The following THSD4 variants were observed in gnomAD, a reference collection of about 807,000 sequenced individuals.
THSD4 encodes the protein thrombospondin type-1 domain-containing protein 4.
In THSD4, 69 loss-of-function variants were observed where a neutral mutation model predicts 119.0. The ratio of observed to expected loss-of-function variants is 0.58; its 90% CI spans 0.48 to 0.71. The LOEUF is 0.71. THSD4 is among the 30% of genes least tolerant of loss of function. The pLI is 0.00. For missense variants in THSD4, 1,393 were observed against 1,391.1 expected (o/e 1.00, Z -0.02); for synonymous variants, 524 against 540.4 (o/e 0.97, Z 0.42).
intron 7 of THSD4, among the ~76,000 whole-genome samples, chr15:71,460,022 C>T (rs759576049): frequency 1.6e-4 from 25 of 152,210 alleles, no homozygotes; most frequent in Non-Finnish European, 3.7e-4. Flanking sequence ...TTTTCTACTT[C>T]TGGCCACACT....
chr15:71,685,290 GTTTTCATCTCAGGACCC>G (rs2051884250), intron 8 of THSD4, among the ~76,000 whole-genome samples: 1 of 151,544 alleles, frequency 6.6e-6, no homozygotes. Flanking sequence ...GTTCTTAAAT[GTTTTCATCTCAGGACCC>G]TTTTCTCCTC....
At chr15:71,133,512 G>A (rs189140716) in intron 1 of THSD4, among the ~76,000 whole-genome samples, 1 of 152,182 alleles carries the variant, frequency 6.6e-6, no homozygotes, top group Non-Finnish European at 1.5e-5. Context: ...GGAAAGACAA[G>A]CACAAATCAT....
intron 5 of THSD4, among the ~76,000 whole-genome samples, chr15:71,254,983 C>T (rs1406505840): frequency 6.6e-6 from 1 of 152,288 alleles, no homozygotes; most frequent in African/African-American, 2.4e-5. Context: ...GCATTTGTAC[C>T]AGCAGCCTCC....
intron 7 of THSD4, among the ~76,000 whole-genome samples, chr15:71,500,086 T>A (rs1249016141): frequency 2.6e-5 from 4 of 152,228 alleles, no homozygotes; most frequent in Admixed American, 2.6e-4. Flanking sequence ...TGCACCATTT[T>A]ACATTCCCAC....
In THSD4 at chr15:71,341,063, T is replaced by C; in HGVS notation, c.1016-70624T>C. On this transcript the variant is annotated intron_variant, in intron 6 of 17. Coordinates refer to ENST00000261862, the MANE Select transcript of THSD4 (RefSeq NM_024817.3). The stretch of plus-strand genomic sequence containing the variant: ...CTCTCTCTCCCATTTCTTTTTTCTT[T>C]TGTTGCCTTGCCTTTTCTTTTCTAT... The C allele has an allele frequency of 3.3e-6, 3 of 903,950 alleles. No individual in the cohort carries two copies. In the East Asian group the frequency reaches 7.3e-5, roughly 22 times the overall value. The allele number at this position is 903,950 out of a possible 1,614,324, so 56.0% of individuals were successfully genotyped here. A position where few individuals can be genotyped will look rare whatever the true frequency, so the allele number is the denominator to read the frequency against.
intron 8 of THSD4, among the ~76,000 whole-genome samples, chr15:71,689,834 C>A (rs1437470438): frequency 1.3e-5 from 2 of 152,172 alleles, no homozygotes; most frequent in African/African-American, 2.4e-5. Flanking sequence ...GGTTCTGAGT[C>A]CAGAATCCTT....
At chr15:71,652,957 T>C (rs1335486935) in intron 7 of THSD4, among the ~76,000 whole-genome samples, 1 of 152,218 alleles carries the variant, frequency 6.6e-6, no homozygotes, top group East Asian at 1.9e-4. Context: ...TTTCCCTCCC[T>C]TTAAACATGG....
At chr15:71,608,179 C>T (rs935102569) in intron 7 of THSD4, among the ~76,000 whole-genome samples, 6 of 146,638 alleles carry the variant, frequency 4.1e-5, no homozygotes, top group South Asian at 2.2e-4. Flanking sequence ...GCTGAGATCG[C>T]GCCACTATAC....
At chr15:71,464,534 G>A (rs2047473737) in intron 7 of THSD4, among the ~76,000 whole-genome samples, 1 of 152,172 alleles carries the variant, frequency 6.6e-6, no homozygotes, top group Non-Finnish European at 1.5e-5. Flanking sequence ...TTGGTTTGCA[G>A]CTCCTTTAAG....
intron 6 of THSD4, among the ~76,000 whole-genome samples, chr15:71,392,490 T>G (rs2046390915): frequency 6.6e-6 from 1 of 152,236 alleles, no homozygotes; most frequent in Non-Finnish European, 1.5e-5. Flanking sequence ...GTAAGGACTA[T>G]GCAGAGATCA....
chr15:71,458,600 G>A (rs2047371884), intron 7 of THSD4, among the ~76,000 whole-genome samples: 1 of 152,148 alleles, frequency 6.6e-6, no homozygotes, highest in Admixed American at 6.5e-5. Context: ...GCCTGCTTCT[G>A]GGGGTTGTTA....
chr15:71,564,725 T>G (rs187850320), intron 7 of THSD4, among the ~76,000 whole-genome samples: 2,076 of 125,120 alleles, frequency 0.017, 109 homozygotes, highest in African/African-American at 0.06. Flanking sequence ...ATATTGTATA[T>G]TATAACATAT....
chr15:71,375,299 C>T (rs61404252), intron 6 of THSD4, among the ~76,000 whole-genome samples: 29,616 of 152,054 alleles, frequency 0.19, 2,926 homozygotes, highest in African/African-American at 0.25. Context: ...TGTTTTCTCC[C>T]TCTTCCTGAC....
chr15:71,691,877 G>A (rs780644926), intron 8 of THSD4, among the ~76,000 whole-genome samples: 10 of 152,210 alleles, frequency 6.6e-5, no homozygotes, highest in African/African-American at 9.6e-5. Flanking sequence ...TTGGCATAGC[G>A]TATCCCCAGG....
At chr15:71,425,393 C>T (rs2046855088) in intron 7 of THSD4, among the ~76,000 whole-genome samples, 1 of 152,156 alleles carries the variant, frequency 6.6e-6, no homozygotes, top group Non-Finnish European at 1.5e-5. Flanking sequence ...AGTCTTTTCC[C>T]TCTTCTGAGT....
upstream of THSD4, chr15:71,111,223 G>A: frequency 6.2e-7 from 1 of 1,613,800 alleles, no homozygotes; most frequent in Non-Finnish European, 8.5e-7. Context: ...GGAAAGAGAA[G>A]GAGATAACCT....
In THSD4 at chr15:71,276,177, G is replaced by C. The variant is rs370210226; in HGVS notation, c.1015+19462G>C. Reference sequence around the variant, plus strand: ...TGCACCCCTCTTTCCTTTTATCTGGGTAAAATCTGCCTTGGTACATTCTTG... The same window carrying C: ...TGCACCCCTCTTTCCTTTTATCTGGCTAAAATCTGCCTTGGTACATTCTTG... On this transcript the variant is annotated intron_variant, in intron 6 of 17. Transcript: ENST00000261862. 9.2e-4 allele frequency among the ~76,000 whole-genome samples: 140 copies of C among 152,308 alleles called. 1 individual carries two copies. Among genetic ancestry groups the C allele is most frequent in the African/African-American group, 3.2e-3 (135 of 41,564 alleles).
At chr15:71,705,836 A>T (rs116694489) in intron 8 of THSD4, among the ~76,000 whole-genome samples, 28 of 152,208 alleles carry the variant, frequency 1.8e-4, no homozygotes, top group Admixed American at 1.8e-3. Flanking sequence ...AATGAGGGAG[A>T]TAAGTAAAAT....
intron 7 of THSD4, among the ~76,000 whole-genome samples, chr15:71,436,770 T>G (rs2140545086): frequency 6.6e-6 from 1 of 152,326 alleles, no homozygotes; most frequent in East Asian, 1.9e-4. Flanking sequence ...GAAATGTTTA[T>G]ACACCCTTTT....
Sources: allele counts gnomAD v4.1 joint callset (sites outside exome capture counted in the v4.1 genomes callset), GRCh38; gene constraint gnomAD v4.1.1; transcripts MANE v1.5; gene names NCBI Gene and HGNC (gene_info 2026-07-23, HGNC 2026-07-21).